The following RBFOX3 variants were observed in gnomAD, a reference collection of about 807,000 sequenced individuals.
The protein encoded by RBFOX3 is RNA binding fox-1 homolog 3.
In RBFOX3, 17 loss-of-function variants were observed where a neutral mutation model predicts 48.7. That is an observed-to-expected ratio of 0.35 (90% confidence interval 0.24 to 0.52). The LOEUF is 0.52. RBFOX3 is among the 20% of genes least tolerant of loss of function. RBFOX3 has a pLI of 0.94. For synonymous variants in RBFOX3, 212 were observed against 209.5 expected (o/e 1.01, Z -0.10); for missense variants, 382 against 497.5 (o/e 0.77, Z 2.21).
intron 2 of RBFOX3, among the ~76,000 whole-genome samples, chr17:79,383,564 C>CA (rs370315857): frequency 6.6e-6 from 1 of 152,058 alleles, no homozygotes; most frequent in Non-Finnish European, 1.5e-5. Context: ...GAGTACCCCC[C>CA]CGATGGCTGC....
intron 1 of RBFOX3, among the ~76,000 whole-genome samples, chr17:79,606,809 G>A (rs1467980035): frequency 2.0e-5 from 3 of 152,232 alleles, no homozygotes; most frequent in South Asian, 2.1e-4. Flanking sequence ...ACCAAGAGCC[G>A]TCCTCAACCC....
intron 4 of RBFOX3, among the ~76,000 whole-genome samples, chr17:79,188,707 T>A (rs1375089536): frequency 6.6e-6 from 1 of 152,162 alleles, no homozygotes; most frequent in Non-Finnish European, 1.5e-5. Flanking sequence ...TTATTTATTT[T>A]AAATGAGCCC....
intron 3 of RBFOX3, among the ~76,000 whole-genome samples, chr17:79,302,662 G>C (rs1490772188): frequency 1.3e-5 from 2 of 151,604 alleles, no homozygotes; most frequent in African/African-American, 4.8e-5. Flanking sequence ...TGTCTCAAAA[G>C]AAAAGAAAAA....
At chr17:79,305,325 C>A (rs912072071) in intron 3 of RBFOX3, among the ~76,000 whole-genome samples, 1 of 152,154 alleles carries the variant, frequency 6.6e-6, no homozygotes, top group African/African-American at 2.4e-5. Context: ...GCCTTTCAAT[C>A]ATTATGTTTT....
At chr17:79,529,819 G>C (rs1425199165) in intron 1 of RBFOX3, among the ~76,000 whole-genome samples, 2 of 152,196 alleles carry the variant, frequency 1.3e-5, no homozygotes, top group African/African-American at 4.8e-5. Context: ...GCAAACTCCG[G>C]CCAGGGCCAA....
At chr17:79,494,257 A>G (rs914167240) in intron 1 of RBFOX3, among the ~76,000 whole-genome samples, 1 of 152,214 alleles carries the variant, frequency 6.6e-6, no homozygotes, top group Non-Finnish European at 1.5e-5. Flanking sequence ...TCAGCAGTTC[A>G]GAGTCTTGGT....
chr17:79,457,172 G>A (rs1555745493), intron 2 of RBFOX3, among the ~76,000 whole-genome samples: 1 of 152,238 alleles, frequency 6.6e-6, no homozygotes, highest in African/African-American at 2.4e-5. Flanking sequence ...CAGAAGGCCT[G>A]GGCCCATGTC....
chr17:79,334,854 C>G (rs555120079), intron 2 of RBFOX3, among the ~76,000 whole-genome samples: 1 of 152,360 alleles, frequency 6.6e-6, no homozygotes, highest in South Asian at 2.1e-4. Flanking sequence ...GTGCCTGGCA[C>G]GTAGCAAGTG....
intron 2 of RBFOX3, among the ~76,000 whole-genome samples, chr17:79,334,312 T>C (rs8082289): frequency 0.82 from 124,664 of 152,098 alleles, 51,667 homozygotes; most frequent in Non-Finnish European, 0.89. Flanking sequence ...TCTCAGACAG[T>C]GGCATCGCCA....
chr17:79,528,415 C>T (rs1345712898), intron 1 of RBFOX3, among the ~76,000 whole-genome samples: 75 of 103,682 alleles, frequency 7.2e-4, no homozygotes, highest in South Asian at 1.5e-3. Flanking sequence ...TAGTTGAAAC[C>T]CTGAGGTACC....
At chr17:79,304,949 C>T (rs1335855945) in intron 3 of RBFOX3, among the ~76,000 whole-genome samples, 2 of 152,202 alleles carry the variant, frequency 1.3e-5, no homozygotes, top group Non-Finnish European at 2.9e-5. Context: ...TGGCCCCTCC[C>T]TCCCACCGCG....
the RBFOX3 span, among the ~76,000 whole-genome samples, chr17:79,659,812 C>T: frequency 6.6e-6 from 1 of 152,156 alleles, no homozygotes; most frequent in Non-Finnish European, 1.5e-5. Flanking sequence ...ATACACAGAT[C>T]CCTGGAGGGC....
At chr17:79,521,861 C>G (rs944730480) in intron 1 of RBFOX3, among the ~76,000 whole-genome samples, 7,341 of 152,296 alleles carry the variant, frequency 0.048, 299 homozygotes, top group African/African-American at 0.11. Context: ...TTTATCTCGG[C>G]TCATTCAAAG....
chr17:79,190,365 C>T (rs552860916), intron 4 of RBFOX3, among the ~76,000 whole-genome samples: 4 of 145,464 alleles, frequency 2.7e-5, no homozygotes, highest in African/African-American at 2.5e-5. Flanking sequence ...GAGCCGTGAT[C>T]GCGCCATTGC....
chr17:79,403,502 A>G lies in RBFOX3; in HGVS notation c.-175+78952T>C, dbSNP rs141929416. Among the ~76,000 whole-genome samples the G allele has an allele frequency of 3.4e-4, 51 of 152,198 alleles. 1 individual carries two copies. In the East Asian group the frequency reaches 9.9e-3, roughly 29 times the overall value. ...AGGAATAATCCGTGAACACAGCCCC[A>G]CCATGGACTTCCACCCCCGTCAGCC... On this transcript the variant is annotated intron_variant, in intron 2 of 14. Coordinates refer to ENST00000693108, the MANE Select transcript of RBFOX3 (RefSeq NM_001350451.2).
At position 79,477,788 on chromosome 17, in the gene RBFOX3, T is replaced by G. The variant is rs3803776; in HGVS notation, c.-175+4666A>C. Among the ~76,000 whole-genome samples, 1 of 152,124 alleles carries G rather than the reference T, an allele frequency of 6.6e-6. No individual in the cohort carries two copies. The highest frequency in any genetic ancestry group is 1.5e-5 in the Non-Finnish European group (1 of 68,012). On this transcript the variant is annotated intron_variant, in intron 2 of 14. Coordinates refer to ENST00000693108, the MANE Select transcript of RBFOX3 (RefSeq NM_001350451.2). The surrounding 1 kb of genome is among the most constrained non-coding windows in gnomAD (Gnocchi z 4.8). ...AATATTTTCCAAATACATTTCTTAA[T>G]AGAAAAGGAATCACAGAAGTTTTTA...
chr17:79,520,134 G>A (rs993955305), intron 1 of RBFOX3, among the ~76,000 whole-genome samples: 5 of 152,186 alleles, frequency 3.3e-5, no homozygotes, highest in Non-Finnish European at 7.4e-5. Flanking sequence ...ATGGGTGAGG[G>A]GGCTGGGACC....
chr17:79,222,997 C>A (rs2059911384), intron 4 of RBFOX3, among the ~76,000 whole-genome samples: 1 of 152,176 alleles, frequency 6.6e-6, no homozygotes, highest in Non-Finnish European at 1.5e-5. Flanking sequence ...GGGTCTGCCA[C>A]CTTTTCCTGC....
At chr17:79,402,915 C>T (rs535461474) in intron 2 of RBFOX3, among the ~76,000 whole-genome samples, 68 of 152,298 alleles carry the variant, frequency 4.5e-4, no homozygotes, top group Non-Finnish European at 7.8e-4. Flanking sequence ...AGGTCACATT[C>T]TCAGCAGGAG....
Sources: allele counts gnomAD v4.1 joint callset (sites outside exome capture counted in the v4.1 genomes callset), GRCh38; gene constraint gnomAD v4.1.1; non-coding constraint Gnocchi (gnomAD v3.1); transcripts MANE v1.5; gene names NCBI Gene and HGNC (gene_info 2026-07-23, HGNC 2026-07-21).